The following TTC3 variants were observed in gnomAD, a reference collection of about 807,000 sequenced individuals.
The protein encoded by TTC3 is E3 ubiquitin-protein ligase TTC3.
Under a neutral mutation model 249.6 loss-of-function variants are expected in TTC3, and 180 were observed. The observed-to-expected ratio is 0.72, with a 90% CI of 0.64 to 0.82. The LOEUF (loss-of-function observed/expected upper bound fraction) is 0.82, where lower values mean the gene tolerates loss of function less well. Ranked by LOEUF, TTC3 falls within the 40% of genes least tolerant of loss-of-function variation. The probability of loss-of-function intolerance (pLI) is 0.00; values close to 1 mark genes in which losing one functional copy is unlikely to be tolerated. For missense variants in TTC3, 2,061 were observed against 2,398.4 expected (o/e 0.86, Z 2.94); for synonymous variants, 717 against 805.0 (o/e 0.89, Z 1.85).
intron 24 of TTC3, among the ~76,000 whole-genome samples, chr21:37,150,537 A>G (rs560606910): frequency 1.3e-5 from 2 of 151,874 alleles, no homozygotes; most frequent in Non-Finnish European, 2.9e-5. Context: ...TGACATGGGA[A>G]TGGCAAGAGT....
chr21:37,186,956 G>T, intron 37 of TTC3, 93 bp from the exon 38 acceptor site: 1 of 662,986 alleles, frequency 1.5e-6, no homozygotes, highest in East Asian at 3.0e-5. Context: ...GGCTATCGTG[G>T]TGTGGTTTCA....
intron 31 of TTC3, 38 bp from the exon 32 acceptor site, chr21:37,164,013 A>T: frequency 6.3e-7 from 1 of 1,584,424 alleles, no homozygotes; most frequent in African/African-American, 1.4e-5. Context: ...AAGGTCTATC[A>T]TCCACAAAAT....
rs1220534680 is a variant in TTC3 at position 37,150,070 on chromosome 21, T to A, written c.2119-8T>A. ...TTTTTCTTGTTTTTTTTTTTTTTAA[T>A]CAAATAGGATTTTCTACAAGGAATA... On this transcript the variant is annotated splice_region_variant and splice_polypyrimidine_tract_variant and intron_variant, in intron 23 of 45. Coordinates refer to ENST00000355666, the Ensembl canonical transcript of TTC3. 2.4e-5 allele frequency: 38 copies of A among 1,554,790 alleles called. No individual in the cohort carries two copies. The highest frequency in any genetic ancestry group is 3.3e-5 in the Non-Finnish European group (38 of 1,136,704).
chr21:37,144,411 C>T, intron 20 of TTC3, 114 bp from the exon 21 acceptor site: 2 of 1,242,430 alleles, frequency 1.6e-6, no homozygotes, highest in African/African-American at 3.0e-5. Context: ...TATTGCTGTT[C>T]AGTGATTCAT....
chr21:37,144,617 T>G, exon 21 of TTC3: 2 of 1,611,456 alleles, frequency 1.2e-6, no homozygotes, highest in Non-Finnish European at 1.7e-6. Flanking sequence ...AATGTGATTA[T>G]TGAAGAGTCT....
chr21:37,166,108 G>A (rs147483830), exon 33 of TTC3: 11 of 1,613,992 alleles, frequency 6.8e-6, no homozygotes, highest in Admixed American at 1.7e-5. Flanking sequence ...CCCCCAAACC[G>A]GTTCTTGAGG....
intron 10 of TTC3, among the ~76,000 whole-genome samples, chr21:37,103,668 C>G (rs989870394): frequency 6.6e-6 from 1 of 152,106 alleles, no homozygotes; most frequent in African/African-American, 2.4e-5. Context: ...AGCATTGATT[C>G]AACAAATATT....
intron 11 of TTC3, among the ~76,000 whole-genome samples, chr21:37,109,348 G>C (rs769821051): frequency 6.6e-6 from 1 of 152,176 alleles, no homozygotes; most frequent in East Asian, 1.9e-4. Flanking sequence ...CTGGAAAATT[G>C]GGTCACTTCC....
At chr21:37,171,735 T>A (rs1209448589) in intron 34 of TTC3, among the ~76,000 whole-genome samples, 1 of 152,202 alleles carries the variant, frequency 6.6e-6, no homozygotes, top group African/African-American at 2.4e-5. Flanking sequence ...AGTGGCATGC[T>A]CCAAGGCAAA....
chr21:37,105,488 A>G (rs1413893859), intron 10 of TTC3, among the ~76,000 whole-genome samples: 1 of 152,188 alleles, frequency 6.6e-6, no homozygotes, highest in Non-Finnish European at 1.5e-5. Flanking sequence ...CTTTAGCAGA[A>G]GAAGGACAAC....
chr21:37,183,939 G>T (rs1310123413), intron 36 of TTC3, among the ~76,000 whole-genome samples: 1 of 152,098 alleles, frequency 6.6e-6, no homozygotes, highest in African/African-American at 2.4e-5. Context: ...GGGGGGCCAC[G>T]CTACACACTC....
chr21:37,151,784 G>A (rs555513327), intron 25 of TTC3, 109 bp from the exon 26 acceptor site: 13 of 1,234,954 alleles, frequency 1.1e-5, no homozygotes, highest in South Asian at 7.7e-5. Context: ...TGTAGGCCGG[G>A]CTCTGATTAA....
At chr21:37,182,725 T>C in intron 35 of TTC3, 49 bp from the exon 36 acceptor site, 3 of 1,496,334 alleles carry the variant, frequency 2.0e-6, no homozygotes, top group Non-Finnish European at 2.7e-6. Flanking sequence ...TCTCTTTTGT[T>C]AAAAAGTATA....
chr21:37,188,775 C>CT (rs1351342947), intron 39 of TTC3, 180 bp downstream of exon 39: 1 of 429,284 alleles, frequency 2.3e-6, no homozygotes, highest in African/African-American at 2.0e-5. Flanking sequence ...ATTCCTAATT[C>CT]TAAATGGATA....
chr21:37,198,950 T>G (rs564726883), intron 44 of TTC3, among the ~76,000 whole-genome samples: 1 of 152,340 alleles, frequency 6.6e-6, no homozygotes, highest in Non-Finnish European at 1.5e-5. Flanking sequence ...AAGTGTATAT[T>G]TTTTTCAAAC....
At chr21:37,159,642 C>G in intron 28 of TTC3, 57 bp from the exon 29 acceptor site, 2 of 1,547,400 alleles carry the variant, frequency 1.3e-6, no homozygotes, top group Non-Finnish European at 1.8e-6. Context: ...CTTTAGTGTA[C>G]TATATGGAAA....
intron 1 of TTC3, chr21:37,084,309 G>A (rs2072102737): frequency 6.6e-6 from 1 of 152,224 alleles, no homozygotes; most frequent in Non-Finnish European, 1.5e-5. Context: ...GAGTTCTGAG[G>A]AGGAAGTGGT....
At position 37,082,846 on chromosome 21, in the gene TTC3, T is replaced by A. The variant is rs956236541; in HGVS notation, c.-11-4401T>A. On this transcript the variant is annotated intron_variant, in intron 1 of 45. Transcript: ENST00000355666. ...TTAATTTTAGTAGTATATTTTTGTTTGATTGTATTATAAAAAATTTTATGG... is the reference window on the plus strand; with the variant it reads ...TTAATTTTAGTAGTATATTTTTGTTAGATTGTATTATAAAAAATTTTATGG... 97 of 971,572 alleles carry A rather than the reference T, an allele frequency of 1.0e-4. No homozygotes were observed. The African/African-American group carries it at 1.3e-3, about 13-fold the overall frequency. The allele number at this position is 971,572 out of a possible 1,614,324, so 60.2% of individuals were successfully genotyped here. A position where few individuals can be genotyped will look rare whatever the true frequency, so the allele number is the denominator to read the frequency against.
At chr21:37,182,911 A>C in exon 36 of TTC3, 2 of 1,556,508 alleles carry the variant, frequency 1.3e-6, no homozygotes. Flanking sequence ...ATGCCAGTGA[A>C]ATGTAAGTAA....
Sources: gnomAD v4.1 joint callset for allele counts (sites outside exome capture counted in the v4.1 genomes callset) on GRCh38, gnomAD v4.1.1 for gene constraint, MANE v1.5 for transcripts, NCBI Gene and HGNC (gene_info 2026-07-23, HGNC 2026-07-21) for gene names.